The following CD72 variants were observed in gnomAD, a reference collection of about 807,000 sequenced individuals.
CD72 encodes B-cell differentiation antigen CD72.
A neutral mutation model predicts 50.7 loss-of-function variants in CD72; 28 were observed. The observed-to-expected ratio is 0.55, with a 90% CI of 0.41 to 0.76. CD72 has a LOEUF of 0.76. Among genes scored for constraint, CD72 ranks in the 30% least tolerant of loss-of-function variants. CD72 has a pLI of 0.00. For synonymous variants in CD72, 176 were observed against 171.2 expected, an observed-to-expected ratio of 1.03 and a Z score of -0.22; for missense variants, 403 against 420.6, an observed-to-expected ratio of 0.96 and a Z score of 0.37.
At chr9:35,638,411 C>T (rs573917454) in intron 1 of CD72, among the ~76,000 whole-genome samples, 14 of 152,280 alleles carry the variant, frequency 9.2e-5, no homozygotes, top group Admixed American at 2.0e-4. Context: ...CTTCTATCAC[C>T]TCCCCTCCTC....
chr9:35,629,368 A>G (rs375394814), intron 1 of CD72, among the ~76,000 whole-genome samples: 8 of 152,180 alleles, frequency 5.3e-5, no homozygotes, highest in African/African-American at 1.9e-4. Context: ...TATCATGAAC[A>G]CTTGTATATC....
rs778741047 is a variant in CD72, at chr9:35,610,691, T to G, written c.1013A>C (p.Glu338Ala). ...VHKTWSWWTLESESCRSSLPY... is the reference protein window; with the variant it reads ...VHKTWSWWTLASESCRSSLPY... ...AAGAGAACTTCTACATGACTCTGAC[T>G]CCAGTGTCCACCATGACCAAGTTTT... Residue 338 changes from glutamate (E) to alanine (A), a missense_variant, in exon 8 of 9, where the codon GAG becomes GCG. Coordinates refer to ENST00000259633, the MANE Select transcript of CD72 (RefSeq NM_001782.3). 6.2e-7 allele frequency: 1 copy of G among 1,610,458 alleles called. No individual in the cohort carries two copies. Among genetic ancestry groups the G allele is most frequent in the Non-Finnish European group, 8.5e-7 (1 of 1,176,676 alleles).
At chr9:35,614,877 AC>A (rs1823042997) in intron 5 of CD72, among the ~76,000 whole-genome samples, 2 of 152,074 alleles carry the variant, frequency 1.3e-5, no homozygotes, top group African/African-American at 4.8e-5. Context: ...TGGGCTCCAA[AC>A]CCATGTTAGG....
At chr9:35,610,894 T>A in intron 7 of CD72, 141 bp from the exon 8 acceptor site, 1 of 573,532 alleles carries the variant, frequency 1.7e-6, no homozygotes, top group East Asian at 3.0e-5. Flanking sequence ...AGGACAGATG[T>A]CTGGAGTTCA....
chr9:35,643,160 C>A (rs568646289), intron 1 of CD72: 2 of 152,392 alleles, frequency 1.3e-5, no homozygotes, highest in South Asian at 4.1e-4. Flanking sequence ...AGAATGCCCA[C>A]AGCTCGGGAT....
At chr9:35,645,837 C>G (rs1312602029) in intron 1 of CD72, among the ~76,000 whole-genome samples, 2 of 151,858 alleles carry the variant, frequency 1.3e-5, no homozygotes, top group African/African-American at 4.8e-5. Context: ...CGGATGGCTT[C>G]CAAAGACCCT....
At chr9:35,616,448 C>A in intron 4 of CD72, 152 bp downstream of exon 4, 1 of 842,796 alleles carries the variant, frequency 1.2e-6, no homozygotes, top group Non-Finnish European at 2.0e-6. Flanking sequence ...GAGGACAATT[C>A]AGGAAGACAA....
At chr9:35,615,318 TGCCTAGACCCTCA>T (rs1178035331) in intron 5 of CD72, among the ~76,000 whole-genome samples, 1 of 152,188 alleles carries the variant, frequency 6.6e-6, no homozygotes, top group Non-Finnish European at 1.5e-5. Context: ...CGTGGCACCT[TGCCTAGACCCTCA>T]GCCTGTTTTG....
intron 1 of CD72, among the ~76,000 whole-genome samples, chr9:35,638,203 C>G (rs1823309339): frequency 6.6e-6 from 1 of 152,094 alleles, no homozygotes; most frequent in Non-Finnish European, 1.5e-5. Flanking sequence ...TGCGACTTGT[C>G]CCAAATCCTC....
chr9:35,626,065 A>G (rs1285271595), intron 1 of CD72, among the ~76,000 whole-genome samples: 5 of 151,718 alleles, frequency 3.3e-5, no homozygotes, highest in Non-Finnish European at 7.4e-5. Flanking sequence ...TTGTAAGGCT[A>G]CAGCTGCCAT....
intron 1 of CD72, among the ~76,000 whole-genome samples, chr9:35,632,935 T>G (rs1823259754): frequency 6.7e-6 from 1 of 150,094 alleles, no homozygotes; most frequent in South Asian, 2.1e-4. Flanking sequence ...TAGTTTTTTT[T>G]TTTTTTTCTT....
At chr9:35,623,180 T>C (rs937731913), upstream of CD72, among the ~76,000 whole-genome samples, 2 of 152,326 alleles carry the variant, frequency 1.3e-5, no homozygotes, top group African/African-American at 4.8e-5. Flanking sequence ...AAATTTGGAA[T>C]TCAAAAAATA....
At chr9:35,625,819 A>C (rs1379032204) in intron 1 of CD72, among the ~76,000 whole-genome samples, 1 of 152,220 alleles carries the variant, frequency 6.6e-6, no homozygotes, top group Non-Finnish European at 1.5e-5. Context: ...ACATGGAAGA[A>C]CAAAGCCTGG....
intron 5 of CD72, 22 bp downstream of exon 5, chr9:35,615,921 C>T (rs769411291): frequency 6.3e-7 from 1 of 1,589,936 alleles, no homozygotes; most frequent in Non-Finnish European, 8.6e-7. Context: ...CCTCCCTTCT[C>T]TCCTCTCCCC....
At chr9:35,610,895 C>G (rs1371062744) in intron 7 of CD72, 142 bp from the exon 8 acceptor site, 1 of 569,264 alleles carries the variant, frequency 1.8e-6, no homozygotes, top group Non-Finnish European at 3.1e-6. Flanking sequence ...GGACAGATGT[C>G]TGGAGTTCAA....
chr9:35,622,862 T>C (rs763188689), upstream of CD72, among the ~76,000 whole-genome samples: 3 of 151,860 alleles, frequency 2.0e-5, no homozygotes, highest in Non-Finnish European at 2.9e-5. Flanking sequence ...ATCCCAAGAC[T>C]TTGGGAAGCT....
chr9:35,611,602 G>T (rs1258110994), intron 7 of CD72, among the ~76,000 whole-genome samples: 5 of 152,142 alleles, frequency 3.3e-5, no homozygotes, highest in African/African-American at 1.2e-4. Flanking sequence ...TATGTGCCAG[G>T]GACTTCTAGG....
At chr9:35,618,884 T>A, upstream of CD72, 1 of 615,112 alleles carries the variant, frequency 1.6e-6, no homozygotes, top group Non-Finnish European at 2.5e-6. Context: ...GAGGTGAAGG[T>A]AAGGAAGAGC....
Position 35,610,030 on chromosome 9 carries a change from C to A in CD72, c.*293G>T. The A allele has an allele frequency of 2.6e-6, 1 of 381,508 alleles. No homozygotes were observed. 23.6% of individuals were successfully genotyped at this position (381,508 alleles called of 1,614,324 possible). Reference sequence around the variant, plus strand: ...ACTGCCTGGCTGGCTCCGGGCCGCCCCTATCCGCTCAGCCCGTGCGCCCTC... The same window carrying A: ...ACTGCCTGGCTGGCTCCGGGCCGCCACTATCCGCTCAGCCCGTGCGCCCTC... On this transcript the variant is annotated 3_prime_UTR_variant, in exon 9 of 9. Coordinates refer to ENST00000259633, the MANE Select transcript of CD72 (RefSeq NM_001782.3).
Sources: allele counts gnomAD v4.1 joint callset (sites outside exome capture counted in the v4.1 genomes callset), GRCh38; gene constraint gnomAD v4.1.1; transcripts MANE v1.5; gene names NCBI Gene and HGNC (gene_info 2026-07-23, HGNC 2026-07-21).